SYT9: variants seen among roughly 807,000 people sequenced by gnomAD.
SYT9 encodes the protein synaptotagmin 9.
Under a neutral mutation model 48.4 loss-of-function variants are expected in SYT9, and 22 were observed. The ratio of observed to expected loss-of-function variants is 0.45; its 90% CI spans 0.32 to 0.65. The LOEUF (loss-of-function observed/expected upper bound fraction) is 0.65. SYT9 is among the 30% of genes least tolerant of loss of function. The pLI, the probability that SYT9 is intolerant of heterozygous loss-of-function variation, is 0.03. For missense variants in SYT9, 577 were observed against 622.0 expected (o/e 0.93, Z 0.77); for synonymous variants, 265 against 245.0 (o/e 1.08, Z -0.76).
At position 7,256,645 on chromosome 11, in the gene SYT9, CT is replaced by C. The variant is rs553828104; in HGVS notation, c.145+4316del. Among the ~76,000 whole-genome samples, 468 of 152,248 alleles carry C rather than the reference CT, an allele frequency of 3.1e-3. 1 individual carries two copies. Among genetic ancestry groups the C allele is most frequent in the Non-Finnish European group, 4.4e-3 (300 of 67,994 alleles). ...TTAGACCTACTTTCTCTCTTCTGTA[CT>C]TGTATGATGGATTTAATCCCTAAGT... On this transcript the variant is annotated intron_variant, in intron 1 of 6. Coordinates refer to ENST00000318881, the MANE Select transcript of SYT9 (RefSeq NM_175733.4).
chr11:7,359,142 T>TGCCC (rs1850079341), intron 3 of SYT9, among the ~76,000 whole-genome samples: 1 of 140,162 alleles, frequency 7.1e-6, no homozygotes, highest in African/African-American at 2.7e-5. Context: ...AGAATGATGA[T>TGCCC]TTCCAATTTC....
At chr11:7,372,817 G>A (rs74051155) in intron 3 of SYT9, among the ~76,000 whole-genome samples, 3,638 of 151,940 alleles carry the variant, frequency 0.024, 152 homozygotes, top group African/African-American at 0.084. Flanking sequence ...TACCTTTTAC[G>A]TGTTTTATTA....
At chr11:7,439,905 C>G (rs1176870681) in intron 6 of SYT9, 1 of 152,156 alleles carries the variant, frequency 6.6e-6, no homozygotes, top group East Asian at 1.9e-4. Context: ...ATGACATGGC[C>G]TGGCACCCCA....
intron 3 of SYT9, among the ~76,000 whole-genome samples, chr11:7,408,013 C>G (rs183946276): frequency 9.7e-4 from 147 of 152,268 alleles, no homozygotes; most frequent in Admixed American, 2.5e-3. Flanking sequence ...TATTCAGGCT[C>G]TCTTTTGGTA....
At chr11:7,441,613 T>G (rs776900222) in intron 6 of SYT9, 8 of 152,206 alleles carry the variant, frequency 5.3e-5, no homozygotes, top group Non-Finnish European at 1.0e-4. Context: ...TGGGCCATCC[T>G]TCCTTCCTTT....
intron 2 of SYT9, among the ~76,000 whole-genome samples, chr11:7,307,515 C>T (rs1849054168): frequency 6.6e-6 from 1 of 152,140 alleles, no homozygotes; most frequent in South Asian, 2.1e-4. Flanking sequence ...TCTATATTTA[C>T]TCTAGACACA....
chr11:7,379,921 C>T (rs1208652619), intron 3 of SYT9, among the ~76,000 whole-genome samples: 3 of 152,078 alleles, frequency 2.0e-5, no homozygotes, highest in Non-Finnish European at 4.4e-5. Context: ...ACCATATGAT[C>T]CAGCAGTCCC....
At chr11:7,458,672 C>G (rs12295153) in intron 6 of SYT9, among the ~76,000 whole-genome samples, 47,384 of 151,836 alleles carry the variant, frequency 0.31, 8,914 homozygotes, top group African/African-American at 0.51. Context: ...CAGAAATACA[C>G]GCTAAGGGAA....
chr11:7,384,854 C>T (rs1204181772), intron 3 of SYT9, among the ~76,000 whole-genome samples: 1 of 152,120 alleles, frequency 6.6e-6, no homozygotes, highest in Non-Finnish European at 1.5e-5. Flanking sequence ...CTACACCTGC[C>T]TTGCCCTTCC....
chr11:7,266,652 C>A (rs748778257), intron 1 of SYT9, among the ~76,000 whole-genome samples: 13 of 152,086 alleles, frequency 8.5e-5, no homozygotes, highest in Non-Finnish European at 1.5e-4. Flanking sequence ...TCAATCACAT[C>A]TGCCTTCCCA....
intron 3 of SYT9, among the ~76,000 whole-genome samples, chr11:7,396,129 A>G (rs903012655): frequency 2.0e-5 from 3 of 152,150 alleles, no homozygotes; most frequent in African/African-American, 7.2e-5. Flanking sequence ...TTTTAAGCAT[A>G]TAAGTTTTGT....
rs1043556327 is a variant in SYT9 at position 7,468,547 on chromosome 11, C to T, written c.*1747C>T. ...CCTCCACCATACCAGTGTTTAGAAG[C>T]AAAACATGAAGGGCTAGCGCCACCA... On this transcript the variant is annotated 3_prime_UTR_variant, in exon 7 of 7. Coordinates refer to ENST00000318881, the MANE Select transcript of SYT9 (RefSeq NM_175733.4). The T allele has an allele frequency of 2.6e-6, 1 of 385,066 alleles. No individual in the cohort carries two copies. Among genetic ancestry groups the T allele is most frequent in the Admixed American group, 4.5e-5 (1 of 22,334 alleles). 23.9% of individuals were successfully genotyped at this position (385,066 alleles called of 1,614,324 possible).
chr11:7,270,760 A>G (rs1848278719), intron 1 of SYT9, among the ~76,000 whole-genome samples: 1 of 152,160 alleles, frequency 6.6e-6, no homozygotes, highest in Non-Finnish European at 1.5e-5. Context: ...TGAATTAGTT[A>G]AAATTAATTT....
chr11:7,341,475 C>T (rs1849710978), intron 3 of SYT9, among the ~76,000 whole-genome samples: 1 of 152,128 alleles, frequency 6.6e-6, no homozygotes, highest in Non-Finnish European at 1.5e-5. Context: ...TTATAAAGGG[C>T]AGTTCCCCTG....
chr11:7,258,717 T>C (rs1848023132), intron 1 of SYT9, among the ~76,000 whole-genome samples: 2 of 152,134 alleles, frequency 1.3e-5, no homozygotes, highest in South Asian at 2.1e-4. Flanking sequence ...AAGATTGCTG[T>C]AACATTGTGC....
chr11:7,427,714 A>ACCC, intron 6 of SYT9: 1 of 152,190 alleles, frequency 6.6e-6, no homozygotes, highest in South Asian at 2.1e-4. Context: ...AAAATGAAGA[A>ACCC]ATTATTCTTC....
rs188152207 is a variant in SYT9 at position 7,358,054 on chromosome 11, A to C, written c.1044+44113A>C. 3.4e-3 allele frequency among the ~76,000 whole-genome samples: 524 copies of C among 152,310 alleles called. 2 individuals carry two copies. The highest frequency in any genetic ancestry group is 6.2e-3 in the Non-Finnish European group (420 of 68,000). On this transcript the variant is annotated intron_variant, in intron 3 of 6. Coordinates refer to ENST00000318881, the MANE Select transcript of SYT9 (RefSeq NM_175733.4). Reference sequence around the variant, plus strand: ...GCTTTTAGGACTTTATACTCTAAAAAAGTATAAAAGTGGGAGAAACAAATA... The same window carrying C: ...GCTTTTAGGACTTTATACTCTAAAACAGTATAAAAGTGGGAGAAACAAATA...
intron 1 of SYT9, among the ~76,000 whole-genome samples, chr11:7,275,937 A>G (rs74051034): frequency 0.019 from 2,870 of 152,260 alleles, 93 homozygotes; most frequent in African/African-American, 0.065. Flanking sequence ...GTCTGAATCT[A>G]TATAATATTT....
At chr11:7,338,976 A>G (rs1204105953) in intron 3 of SYT9, among the ~76,000 whole-genome samples, 2 of 152,132 alleles carry the variant, frequency 1.3e-5, no homozygotes, top group Admixed American at 6.6e-5. Flanking sequence ...GTGAGAGTAT[A>G]AGTATTTTTG....
Sources: allele counts gnomAD v4.1 joint callset (sites outside exome capture counted in the v4.1 genomes callset), GRCh38; gene constraint gnomAD v4.1.1; transcripts MANE v1.5; gene names NCBI Gene and HGNC (gene_info 2026-07-23, HGNC 2026-07-21).